The following HACD2 variants were observed in gnomAD, a reference collection of about 807,000 sequenced individuals.
HACD2 encodes 3-hydroxyacyl-CoA dehydratase 2.
Under a neutral mutation model 31.0 loss-of-function variants are expected in HACD2, and 15 were observed. The ratio of observed to expected loss-of-function variants is 0.48; its 90% CI spans 0.32 to 0.75. The LOEUF (loss-of-function observed/expected upper bound fraction) is 0.75. Among genes scored for constraint, HACD2 ranks in the 30% least tolerant of loss-of-function variants. The pLI, the probability that HACD2 is intolerant of heterozygous loss-of-function variation, is 0.03. For synonymous variants in HACD2, 115 were observed against 122.2 expected (o/e 0.94, Z 0.39); for missense variants, 283 against 313.0 (o/e 0.90, Z 0.72).
chr3:123,509,193 T>A (rs1224167006), intron 4 of HACD2, among the ~76,000 whole-genome samples: 1 of 152,004 alleles, frequency 6.6e-6, no homozygotes, highest in African/African-American at 2.4e-5. Context: ...TTGTAATATA[T>A]TCATCATTGT....
At position 123,502,666 on chromosome 3, in the gene HACD2, T is replaced by C. The variant is rs1322085755; in HGVS notation, c.397A>G (p.Ser133Gly). The C allele has an allele frequency of 3.1e-6, 5 of 1,603,800 alleles. No individual in the cohort carries two copies. Among genetic ancestry groups the C allele is most frequent in the South Asian group, 2.3e-5 (2 of 88,714 alleles). The stretch of plus-strand genomic sequence containing the variant: ...CATGCAATAACAAACAGGAGGACAC[T>C]GTCTTCACTCTGTACCTGAAGGAAG... ...HSVKEVQSED[S>G]VLLFVIAWTI... Residue 133 changes from serine to glycine, a missense_variant, in exon 5 of 7, where the codon AGT (serine) becomes GGT (glycine). This residue lies in a region of HACD2 where 85 missense variants were observed against 129.6 expected (regional missense o/e 0.66). Coordinates refer to ENST00000383657, the MANE Select transcript of HACD2 (RefSeq NM_198402.5).
At chr3:123,562,310 G>A (rs1444397721) in intron 3 of HACD2, among the ~76,000 whole-genome samples, 1 of 152,106 alleles carries the variant, frequency 6.6e-6, no homozygotes, top group East Asian at 1.9e-4. Context: ...CCCCTCCATG[G>A]ATTTTAGTTG....
Position 123,494,847 on chromosome 3 carries a change from A to G in HACD2, c.*41T>C. On this transcript the variant is annotated 3_prime_UTR_variant, in exon 7 of 7. Transcript: ENST00000383657. ...AAAAAATCTGCAGCATTTTTTGATC[A>G]TTGAAAAGTTTGTTTTGGTGGGAGG... The G allele has an allele frequency of 7.7e-7, 1 of 1,299,062 alleles. No homozygotes were observed. The highest frequency in any genetic ancestry group is 1.1e-6 in the Non-Finnish European group (1 of 921,888). 80.5% of individuals were successfully genotyped at this position (1,299,062 alleles called of 1,614,324 possible). A position where few individuals can be genotyped will look rare whatever the true frequency, so the allele number is the denominator to read the frequency against.
chr3:123,552,250 T>C lies in HACD2; in HGVS notation c.292+15512A>G, dbSNP rs2056627872. ...ATGCTATGGCAATCTGAAAACGGCATTGCTTCTAAGGAAGAAATGAGTAAA... is the reference window on the plus strand; with the variant it reads ...ATGCTATGGCAATCTGAAAACGGCACTGCTTCTAAGGAAGAAATGAGTAAA... On this transcript the variant is annotated intron_variant, in intron 3 of 6. Transcript: ENST00000383657. 2.6e-5 allele frequency among the ~76,000 whole-genome samples: 4 copies of C among 152,098 alleles called. No individual in the cohort carries two copies. In the South Asian group the frequency reaches 8.3e-4, roughly 32 times the overall value.
chr3:123,564,124 C>T (rs982614065), intron 3 of HACD2, among the ~76,000 whole-genome samples: 4 of 152,184 alleles, frequency 2.6e-5, no homozygotes, highest in African/African-American at 7.2e-5. Context: ...GGCTGGTGGC[C>T]GGCGGCAGCC....
At chr3:123,566,912 T>A (rs910733975) in intron 3 of HACD2, among the ~76,000 whole-genome samples, 2 of 152,234 alleles carry the variant, frequency 1.3e-5, no homozygotes, top group South Asian at 2.1e-4. Context: ...CAGTGGACAG[T>A]CTGGTGTTCT....
At chr3:123,556,380 C>G (rs1022589209) in intron 3 of HACD2, among the ~76,000 whole-genome samples, 3 of 149,446 alleles carry the variant, frequency 2.0e-5, no homozygotes. Flanking sequence ...AAGGCTGCAG[C>G]GAGCCATGAC....
At chr3:123,510,229 A>G (rs1232302182) in intron 4 of HACD2, among the ~76,000 whole-genome samples, 1 of 152,102 alleles carries the variant, frequency 6.6e-6, no homozygotes, top group Non-Finnish European at 1.5e-5. Flanking sequence ...GGTACCTCAT[A>G]TAAGTGGAAT....
chr3:123,541,965 G>A (rs2056496013), intron 3 of HACD2, among the ~76,000 whole-genome samples: 1 of 151,520 alleles, frequency 6.6e-6, no homozygotes, highest in African/African-American at 2.4e-5. Flanking sequence ...GGCTAAAACG[G>A]TGAAACCCCG....
intron 2 of HACD2, among the ~76,000 whole-genome samples, chr3:123,574,942 G>A (rs565129976): frequency 6.6e-6 from 1 of 152,020 alleles, no homozygotes; most frequent in African/African-American, 2.4e-5. Context: ...AATTTACATC[G>A]TTATGTTTAT....
chr3:123,493,625 T>C lies in HACD2; in HGVS notation c.*1263A>G, dbSNP rs1367670053. The C allele has an allele frequency of 6.6e-6, 1 of 152,230 alleles. No homozygotes were observed. The highest frequency in any genetic ancestry group is 1.5e-5 in the Non-Finnish European group (1 of 68,048). The allele number at this position is 152,230 out of a possible 1,614,324, so 9.4% of individuals were successfully genotyped here. A position where few individuals can be genotyped will look rare whatever the true frequency, so the allele number is the denominator to read the frequency against. ...CTTTCTTTCTTATTTTTTTTCAGTT[T>C]ACCTACAGTTGCAGTACCAATCCTT... On this transcript the variant is annotated 3_prime_UTR_variant, in exon 7 of 7. Coordinates refer to ENST00000383657, the MANE Select transcript of HACD2 (RefSeq NM_198402.5).
intron 1 of HACD2, 200 bp downstream of exon 1, chr3:123,584,673 C>A (rs1335685199): frequency 1.5e-5 from 6 of 408,786 alleles, no homozygotes; most frequent in Non-Finnish European, 2.6e-5. Flanking sequence ...ACCCCCAGCG[C>A]AGGAGGGAGC....
intron 2 of HACD2, among the ~76,000 whole-genome samples, chr3:123,576,165 G>A (rs368320326): frequency 6.6e-5 from 10 of 151,942 alleles, no homozygotes; most frequent in Admixed American, 2.6e-4. Flanking sequence ...GGAAACTCCC[G>A]CCTTTTTTGA....
intron 6 of HACD2, among the ~76,000 whole-genome samples, chr3:123,495,952 C>T (rs905168576): frequency 6.6e-6 from 1 of 152,200 alleles, no homozygotes. Context: ...TGTGTGTAAA[C>T]AACTCCAGGT....
At chr3:123,532,360 C>T (rs777065725) in intron 3 of HACD2, among the ~76,000 whole-genome samples, 14 of 152,150 alleles carry the variant, frequency 9.2e-5, no homozygotes, top group Non-Finnish European at 1.6e-4. Context: ...GCAGTTCAGG[C>T]CCTCACCTGA....
chr3:123,576,248 TC>T (rs1458160927), intron 2 of HACD2, among the ~76,000 whole-genome samples: 4 of 118,044 alleles, frequency 3.4e-5, no homozygotes, highest in African/African-American at 1.9e-4. Flanking sequence ...TATTTTTAGT[TC>T]TTTTTTTTTT....
intron 2 of HACD2, among the ~76,000 whole-genome samples, chr3:123,573,290 T>G (rs542318336): frequency 6.6e-6 from 1 of 152,370 alleles, no homozygotes; most frequent in East Asian, 1.9e-4. Flanking sequence ...CTTCTGCATC[T>G]GAATTTTTTC....
chr3:123,581,319 C>A (rs1333585197), intron 2 of HACD2, among the ~76,000 whole-genome samples: 2 of 152,130 alleles, frequency 1.3e-5, no homozygotes, highest in East Asian at 3.9e-4. Context: ...CTATCCCCAT[C>A]CCTCTTTTCC....
chr3:123,554,538 A>C (rs918353654), intron 3 of HACD2, among the ~76,000 whole-genome samples: 6 of 152,162 alleles, frequency 3.9e-5, no homozygotes, highest in Non-Finnish European at 5.9e-5. Flanking sequence ...GAAAATAAAG[A>C]AAACACATCA....
Sources: gnomAD v4.1 joint callset for allele counts (sites outside exome capture counted in the v4.1 genomes callset) on GRCh38, gnomAD v4.1.1 for gene constraint, gnomAD v4.1.1 regional missense constraint, MANE v1.5 for transcripts, NCBI Gene and HGNC (gene_info 2026-07-23, HGNC 2026-07-21) for gene names.